The following TLK2 variants were observed in gnomAD, a reference collection of about 807,000 sequenced individuals.
TLK2 encodes the protein tousled like kinase 2, also known as serine/threonine-protein kinase tousled-like 2.
Under a neutral mutation model 117.3 loss-of-function variants are expected in TLK2, and 6 were observed. The ratio of observed to expected loss-of-function variants is 0.05; its 90% CI spans 0.03 to 0.10. TLK2 has a LOEUF of 0.10. TLK2 is among the 10% of genes least tolerant of loss of function. The pLI is 1.00. For missense variants in TLK2, 299 were observed against 901.2 expected (o/e 0.33, Z 8.56); for synonymous variants, 257 against 316.7 (o/e 0.81, Z 2.00).
intron 19 of TLK2, among the ~76,000 whole-genome samples, 168 bp downstream of exon 19, chr17:62,602,348 G>A (rs1479726777): frequency 6.6e-6 from 1 of 152,086 alleles, no homozygotes; most frequent in Non-Finnish European, 1.5e-5. Flanking sequence ...TTTGACTCTT[G>A]GTATTTATAT....
chr17:62,529,201 C>T (rs1333115766), intron 6 of TLK2, among the ~76,000 whole-genome samples: 1 of 151,892 alleles, frequency 6.6e-6, no homozygotes, highest in Middle Eastern at 3.2e-3. Context: ...TATTATGACT[C>T]TCTTCATCTC....
At chr17:62,585,412 C>T (rs1305935037) in intron 15 of TLK2, among the ~76,000 whole-genome samples, 5 of 152,194 alleles carry the variant, frequency 3.3e-5, no homozygotes, top group African/African-American at 1.2e-4. Context: ...ATGGTGCGTG[C>T]CTGTAATCCC....
chr17:62,477,010 G>C (rs2071068500), upstream of TLK2, among the ~76,000 whole-genome samples: 2 of 151,956 alleles, frequency 1.3e-5, no homozygotes, highest in Non-Finnish European at 2.9e-5. Context: ...AGAACTGCTT[G>C]AACCCGGGTG....
Position 62,596,689 on chromosome 17 carries a change from G to C in TLK2, c.1550+15G>C. On this transcript the variant is annotated intron_variant, in intron 17 of 21. Coordinates refer to ENST00000346027, the MANE Select transcript of TLK2 (RefSeq NM_006852.6). Reference sequence around the variant, plus strand: ...GATACTGACTCGTAAGTGCTGTGCTGTTTTACCTTAACAGTTATATTATTT... The same window carrying C: ...GATACTGACTCGTAAGTGCTGTGCTCTTTTACCTTAACAGTTATATTATTT... 1 of 1,603,954 alleles carries C rather than the reference G, an allele frequency of 6.2e-7. No homozygotes were observed. Among genetic ancestry groups the C allele is most frequent in the Non-Finnish European group, 8.5e-7 (1 of 1,171,090 alleles).
intron 2 of TLK2, among the ~76,000 whole-genome samples, chr17:62,510,544 TA>T (rs1418977601): frequency 1.3e-5 from 2 of 152,198 alleles, no homozygotes; most frequent in Non-Finnish European, 2.9e-5. Context: ...TTTATTTTCT[TA>T]TAGTTCTGAA....
chr17:62,526,661 T>G (rs2076384811), intron 6 of TLK2, among the ~76,000 whole-genome samples: 1 of 150,092 alleles, frequency 6.7e-6, no homozygotes, highest in Admixed American at 6.7e-5. Flanking sequence ...ACAATAACAT[T>G]GAACTGCTCT....
chr17:62,606,808 A>G (rs2083336379), intron 20 of TLK2, among the ~76,000 whole-genome samples: 1 of 152,186 alleles, frequency 6.6e-6, no homozygotes, highest in Admixed American at 6.5e-5. Flanking sequence ...CATGCCTTAT[A>G]AATGTATATA....
intron 7 of TLK2, among the ~76,000 whole-genome samples, chr17:62,539,713 T>TA (rs1459179969): frequency 1.3e-5 from 2 of 152,086 alleles, no homozygotes; most frequent in Non-Finnish European, 2.9e-5. Context: ...TCCTGACCTC[T>TA]ATGGTCTCAA....
chr17:62,473,685 G>T (rs1567745930), intron 1 of TLK2, among the ~76,000 whole-genome samples: 1 of 152,184 alleles, frequency 6.6e-6, no homozygotes, highest in Admixed American at 6.5e-5. Context: ...TCACGTAGAG[G>T]TTGGAAAACT....
At chr17:62,510,086 C>G (rs1373771440) in intron 2 of TLK2, among the ~76,000 whole-genome samples, 1 of 152,142 alleles carries the variant, frequency 6.6e-6, no homozygotes, top group Non-Finnish European at 1.5e-5. Context: ...CCAGCCTGGG[C>G]AAAGTGGTGA....
Position 62,522,390 on chromosome 17 carries a change from G to T in TLK2, c.223+117G>T. 3 of 1,119,008 alleles carry T rather than the reference G, an allele frequency of 2.7e-6. No homozygotes were observed. In the South Asian group the frequency reaches 4.8e-5, roughly 18 times the overall value. The allele number at this position is 1,119,008 out of a possible 1,614,324, so 69.3% of individuals were successfully genotyped here. Reference sequence around the variant, plus strand: ...GGGATTCCTGATAAAGGAGGTTTGTGTATCTTAAGGGAATATCAGACTGTT... The same window carrying T: ...GGGATTCCTGATAAAGGAGGTTTGTTTATCTTAAGGGAATATCAGACTGTT... On this transcript the variant is annotated intron_variant, in intron 4 of 21. Transcript: ENST00000346027.
At chr17:62,548,483 A>T (rs965983867) in intron 7 of TLK2, among the ~76,000 whole-genome samples, 2 of 151,864 alleles carry the variant, frequency 1.3e-5, no homozygotes, top group Admixed American at 6.6e-5. Context: ...AGGTTTCACC[A>T]TATTGGCCAG....
intron 17 of TLK2, chr17:62,597,344 C>A (rs1027423565): frequency 3.9e-5 from 6 of 152,130 alleles, no homozygotes; most frequent in Admixed American, 3.9e-4. Context: ...TACTTCATTC[C>A]TTTTTATGGC....
At chr17:62,583,131 G>A (rs111836107) in intron 15 of TLK2, among the ~76,000 whole-genome samples, 1 of 151,938 alleles carries the variant, frequency 6.6e-6, no homozygotes, top group African/African-American at 2.4e-5. Context: ...TTGCTCTGTC[G>A]CCCAGGCTGG....
chr17:62,484,463 A>T (rs921856977), intron 2 of TLK2, among the ~76,000 whole-genome samples: 2 of 151,188 alleles, frequency 1.3e-5, no homozygotes, highest in African/African-American at 4.9e-5. Flanking sequence ...TACCCGGCTA[A>T]TTTTTTGTAT....
At chr17:62,499,276 G>T (rs536773893) in intron 2 of TLK2, among the ~76,000 whole-genome samples, 4 of 151,994 alleles carry the variant, frequency 2.6e-5, no homozygotes, top group Admixed American at 1.3e-4. Context: ...AGGAGGTGCA[G>T]TGAGCCGAGA....
chr17:62,564,858 G>A (rs1271716470), intron 10 of TLK2, 143 bp from the exon 11 acceptor site: 22 of 1,002,166 alleles, frequency 2.2e-5, no homozygotes, highest in Non-Finnish European at 2.8e-5. Context: ...TTAGTCATCC[G>A]AGGAGTCATT....
chr17:62,497,197 G>A (rs1033494094), intron 2 of TLK2, among the ~76,000 whole-genome samples: 6 of 151,982 alleles, frequency 3.9e-5, no homozygotes, highest in African/African-American at 1.5e-4. Flanking sequence ...CTTGGAGGTC[G>A]AGGTCAAAGC....
At chr17:62,610,879 A>G (rs2083700359) in intron 21 of TLK2, among the ~76,000 whole-genome samples, 1 of 152,210 alleles carries the variant, frequency 6.6e-6, no homozygotes, top group Non-Finnish European at 1.5e-5. Context: ...AGTGCCATGG[A>G]TCACACCTGT....
Sources: gnomAD v4.1 joint callset for allele counts (sites outside exome capture counted in the v4.1 genomes callset) on GRCh38, gnomAD v4.1.1 for gene constraint, MANE v1.5 for transcripts, NCBI Gene and HGNC (gene_info 2026-07-23, HGNC 2026-07-21) for gene names.